The following OTOGL variants were observed in gnomAD, a reference collection of about 807,000 sequenced individuals.
OTOGL encodes otogelin-like protein.
A neutral mutation model predicts 318.5 loss-of-function variants in OTOGL; 285 were observed. That is an observed-to-expected ratio of 0.89 (90% CI 0.81 to 0.99). The LOEUF (loss-of-function observed/expected upper bound fraction) is 0.99. Among genes scored for constraint, OTOGL ranks in the 50% least tolerant of loss-of-function variants. The pLI is 0.00. For missense variants in OTOGL, 2,899 were observed against 2,845.6 expected, an observed-to-expected ratio of 1.02 and a Z score of -0.43; for synonymous variants, 987 against 936.5, an observed-to-expected ratio of 1.05 and a Z score of -0.99.
At position 80,255,024 on chromosome 12, in the gene OTOGL, T is replaced by TA; in HGVS notation, c.1442-16_1442-15insA. The TA allele has an allele frequency of 4.2e-6, 3 of 707,002 alleles. No individual in the cohort carries two copies. The highest frequency in any genetic ancestry group is 5.7e-6 in the Non-Finnish European group (3 of 522,022). 43.8% of individuals were successfully genotyped at this position (707,002 alleles called of 1,614,324 possible). ...CCTCCTTTTCTTTTTCTTTGTTTTC[T>TA]TTTTTTTTTTGGCAGTTCAATGCTC... On this transcript the variant is annotated splice_polypyrimidine_tract_variant and intron_variant, in intron 15 of 58. Transcript: ENST00000547103.
chr12:80,326,165 C>A (rs1236231348), intron 35 of OTOGL, among the ~76,000 whole-genome samples: 1 of 152,072 alleles, frequency 6.6e-6, no homozygotes, highest in African/African-American at 2.4e-5. Context: ...CCCCTGTGCC[C>A]CCTCCTCCAA....
chr12:80,113,681 T>G (rs577752266), intron 1 of OTOGL, among the ~76,000 whole-genome samples: 2 of 152,282 alleles, frequency 1.3e-5, no homozygotes, highest in African/African-American at 4.8e-5. Flanking sequence ...GTCCTGAATA[T>G]CCTTGTTAAT....
intron 24 of OTOGL, among the ~76,000 whole-genome samples, chr12:80,276,205 A>G (rs1883793618): frequency 6.6e-6 from 1 of 151,784 alleles, no homozygotes; most frequent in Non-Finnish European, 1.5e-5. Context: ...CCTCACTTAA[A>G]CAACTGAACA....
rs575499920 is a variant in OTOGL, at chr12:80,377,885, C to T, written c.6899C>T (p.Ala2300Val). Reference protein sequence around the residue: ...VASCDGKCPSATIYNINIESH... With the variant: ...VASCDGKCPSVTIYNINIESH... ...TCTTGTGACGGCAAATGCCCATCAG[C>T]TACCATATATAACATCAATATTGAA... Residue 2300 changes from alanine to valine, a missense_variant, in exon 59 of 59, where the codon GCT becomes GTT. Transcript: ENST00000547103. 1 of 1,611,660 alleles carries T rather than the reference C, an allele frequency of 6.2e-7. No homozygotes were observed. Among genetic ancestry groups the T allele is most frequent in the South Asian group, 1.1e-5 (1 of 90,784 alleles).
chr12:80,233,862 C>T (rs1394795749), intron 9 of OTOGL, among the ~76,000 whole-genome samples: 1 of 152,170 alleles, frequency 6.6e-6, no homozygotes, highest in African/African-American at 2.4e-5. Flanking sequence ...CATTTAATCA[C>T]TTTTATGCTT....
At chr12:80,270,059 C>T in intron 22 of OTOGL, 43 bp from the exon 23 acceptor site, 1 of 1,195,024 alleles carries the variant, frequency 8.4e-7, no homozygotes, top group Admixed American at 2.5e-5. Context: ...AAAAAAAAAA[C>T]AACAGATTTG....
At chr12:80,366,902 T>A (rs1420998590) in intron 53 of OTOGL, among the ~76,000 whole-genome samples, 1 of 151,966 alleles carries the variant, frequency 6.6e-6, no homozygotes, top group East Asian at 1.9e-4. Flanking sequence ...AGGCTCTTTT[T>A]AATATGTCTA....
At chr12:80,363,704 A>G (rs12811209) in intron 52 of OTOGL, among the ~76,000 whole-genome samples, 10 of 152,148 alleles carry the variant, frequency 6.6e-5, no homozygotes, top group Middle Eastern at 3.4e-3. Flanking sequence ...AACCAGCCTC[A>G]TTCAGAGCTC....
At chr12:80,209,853 T>G (rs2137307089) in intron 2 of OTOGL, among the ~76,000 whole-genome samples, 1 of 152,270 alleles carries the variant, frequency 6.6e-6, no homozygotes, top group East Asian at 1.9e-4. Context: ...GAAGAAGCTG[T>G]GATTCTAACT....
chr12:80,358,202 T>C (rs988485300), intron 49 of OTOGL, 46 bp from the exon 50 acceptor site: 8 of 1,252,268 alleles, frequency 6.4e-6, no homozygotes, highest in Non-Finnish European at 9.3e-6. Context: ...TTATAATTCA[T>C]GGTTTTTAGC....
chr12:80,295,154 G>C (rs944143163), intron 26 of OTOGL, among the ~76,000 whole-genome samples: 2 of 91,366 alleles, frequency 2.2e-5, no homozygotes, highest in Non-Finnish European at 4.0e-5. Flanking sequence ...TATGATTGCC[G>C]AACTTTTTTT....
chr12:80,214,663 G>T (rs1464203968), intron 4 of OTOGL, among the ~76,000 whole-genome samples: 1 of 152,024 alleles, frequency 6.6e-6, no homozygotes, highest in Non-Finnish European at 1.5e-5. Flanking sequence ...TCTTTTTTCA[G>T]TTCAGTTGGT....
At chr12:80,289,874 T>A (rs1243363186) in intron 26 of OTOGL, among the ~76,000 whole-genome samples, 1 of 152,160 alleles carries the variant, frequency 6.6e-6, no homozygotes, top group Non-Finnish European at 1.5e-5. Flanking sequence ...CTTGGCTTCC[T>A]GGCTTCAACC....
At chr12:80,298,566 T>A (rs1443801710) in intron 27 of OTOGL, among the ~76,000 whole-genome samples, 1 of 152,126 alleles carries the variant, frequency 6.6e-6, no homozygotes, top group Non-Finnish European at 1.5e-5. Flanking sequence ...CTGGAGGAAA[T>A]GATTTGCACT....
chr12:80,276,442 A>C (rs2137610974), intron 24 of OTOGL, among the ~76,000 whole-genome samples: 1 of 151,890 alleles, frequency 6.6e-6, no homozygotes, highest in South Asian at 2.1e-4. Flanking sequence ...TTGTTCTTAT[A>C]GTTATTGTCA....
intron 1 of OTOGL, chr12:80,208,120 A>C: frequency 2.1e-6 from 1 of 469,814 alleles, no homozygotes; most frequent in South Asian, 1.5e-5. Flanking sequence ...ATTTTAGTGA[A>C]ATTTGGATGT....
chr12:80,343,106 C>G (rs187761610), intron 44 of OTOGL, among the ~76,000 whole-genome samples: 1 of 152,254 alleles, frequency 6.6e-6, no homozygotes, highest in African/African-American at 2.4e-5. Context: ...GATCTCCTGA[C>G]CTCGTGATCA....
At chr12:80,119,643 T>G (rs1273409504) in intron 1 of OTOGL, among the ~76,000 whole-genome samples, 2 of 152,178 alleles carry the variant, frequency 1.3e-5, no homozygotes, top group Non-Finnish European at 2.9e-5. Flanking sequence ...CCTTCCCCCA[T>G]GTACTCTGTT....
chr12:80,353,148 A>G (rs369403853), intron 45 of OTOGL, among the ~76,000 whole-genome samples, 177 bp from the exon 46 acceptor site: 22 of 152,358 alleles, frequency 1.4e-4, no homozygotes, highest in African/African-American at 4.6e-4. Context: ...GCAAAAAACA[A>G]ACACATTGAT....
Sources: gnomAD v4.1 joint callset for allele counts (sites outside exome capture counted in the v4.1 genomes callset) on GRCh38, gnomAD v4.1.1 for gene constraint, MANE v1.5 for transcripts, NCBI Gene and HGNC (gene_info 2026-07-23, HGNC 2026-07-21) for gene names.